The following DLST variants were observed in gnomAD, a reference collection of about 807,000 sequenced individuals.
DLST encodes dihydrolipoyllysine-residue succinyltransferase component of 2-oxoglutarate dehydrogenase complex, mitochondrial.
In DLST, 17 loss-of-function variants were observed where a neutral mutation model predicts 53.1. That is an observed-to-expected ratio of 0.32 (90% CI 0.22 to 0.48). The LOEUF is 0.48. Ranked by LOEUF, DLST falls within the 20% of genes least tolerant of loss-of-function variation. The pLI, the probability that DLST is intolerant of heterozygous loss-of-function variation, is 0.99. For synonymous variants in DLST, 206 were observed against 204.8 expected, an observed-to-expected ratio of 1.01 and a Z score of -0.05; for missense variants, 512 against 583.9, an observed-to-expected ratio of 0.88 and a Z score of 1.27.
intron 11 of DLST, 98 bp from the exon 12 acceptor site, chr14:74,899,825 C>A: frequency 1.1e-6 from 1 of 952,354 alleles, no homozygotes; most frequent in Non-Finnish European, 1.6e-6. Context: ...CACACTGTAT[C>A]AAGCTCTGCA....
At chr14:74,891,452 A>AGG in intron 7 of DLST, 1 of 1,047,654 alleles carries the variant, frequency 9.5e-7, no homozygotes, top group Non-Finnish European at 1.2e-6. Flanking sequence ...CAGATTGAGC[A>AGG]TACCTAATCT....
intron 9 of DLST, 145 bp from the exon 10 acceptor site, chr14:74,894,167 G>C: frequency 2.2e-6 from 2 of 917,636 alleles, no homozygotes; most frequent in East Asian, 5.5e-5. Context: ...GGCCACCACA[G>C]GAAAGGGAAG....
At position 74,902,118 on chromosome 14, in the gene DLST, T is replaced by C. The variant is rs536966076; in HGVS notation, c.1228-78T>C. On this transcript the variant is annotated intron_variant, in intron 14 of 14. Transcript: ENST00000334220. Reference sequence around the variant, plus strand: ...GGCTCTGGAATTAGGAACTTTCTTATGGGCTGTGCTAAATCTCCTTCAGCG... The same window carrying C: ...GGCTCTGGAATTAGGAACTTTCTTACGGGCTGTGCTAAATCTCCTTCAGCG... 1.5e-5 allele frequency: 21 copies of C among 1,402,892 alleles called. No individual in the cohort carries two copies. In the East Asian group the frequency reaches 4.7e-4, roughly 31 times the overall value. 86.9% of individuals were successfully genotyped at this position (1,402,892 alleles called of 1,614,324 possible).
intron 9 of DLST, among the ~76,000 whole-genome samples, chr14:74,893,994 TATG>T (rs1883994750): frequency 6.6e-6 from 1 of 152,220 alleles, no homozygotes; most frequent in Non-Finnish European, 1.5e-5. Context: ...CCCTTTTTCT[TATG>T]ATTCTTATGT....
At chr14:74,889,517 C>A in intron 5 of DLST, 168 bp downstream of exon 5, 2 of 606,450 alleles carry the variant, frequency 3.3e-6, no homozygotes, top group Non-Finnish European at 2.8e-6. Context: ...TACAGGTGCC[C>A]ACCACCATGC....
rs147223735 is a variant in DLST at position 74,892,679 on chromosome 14, T to C, written c.443-155T>C. Among the ~76,000 whole-genome samples, 1,085 of 152,324 alleles carry C rather than the reference T, an allele frequency of 7.1e-3. 23 individuals carry two copies. The highest frequency in any genetic ancestry group is 0.034 in the Admixed American group (527 of 15,306). ...CTGAGGACTAGAGAATAGTGCCTTA[T>C]GTCATTGTGTGTGTGTCTCATAGTG... On this transcript the variant is annotated intron_variant, in intron 7 of 14. Coordinates refer to ENST00000334220, the MANE Select transcript of DLST (RefSeq NM_001933.5).
chr14:74,901,795 C>T (rs1884252806), intron 14 of DLST, among the ~76,000 whole-genome samples: 1 of 152,070 alleles, frequency 6.6e-6, no homozygotes, highest in Non-Finnish European at 1.5e-5. Context: ...GGAAAATGCC[C>T]ATACACCCAG....
intron 10 of DLST, among the ~76,000 whole-genome samples, chr14:74,896,523 G>T (rs1326674997): frequency 6.6e-6 from 1 of 152,226 alleles, no homozygotes; most frequent in Non-Finnish European, 1.5e-5. Flanking sequence ...GGAGAAGGGA[G>T]TGTTTTCTTG....
At chr14:74,882,271 C>T (rs370923508) in intron 1 of DLST, among the ~76,000 whole-genome samples, 1 of 152,226 alleles carries the variant, frequency 6.6e-6, no homozygotes, top group South Asian at 2.1e-4. Flanking sequence ...CGCGCGGGAG[C>T]TGGGGAGCCG....
chr14:74,899,226 G>T (rs1377804310), intron 11 of DLST, among the ~76,000 whole-genome samples: 2 of 151,812 alleles, frequency 1.3e-5, no homozygotes, highest in East Asian at 3.9e-4. Context: ...TCCCTGACTG[G>T]CTCTCATCTT....
chr14:74,900,045 A>G (rs1285264318), intron 12 of DLST, 49 bp downstream of exon 12: 1 of 1,437,518 alleles, frequency 7.0e-7, no homozygotes, highest in Admixed American at 1.7e-5. Context: ...CCCTCACCTT[A>G]TCTGTGTGAA....
At chr14:74,883,479 T>G (rs1484006668) in intron 2 of DLST, among the ~76,000 whole-genome samples, 1 of 151,684 alleles carries the variant, frequency 6.6e-6, no homozygotes, top group African/African-American at 2.4e-5. Flanking sequence ...TGGCAAGAGA[T>G]AGAAGATGGT....
At chr14:74,896,160 G>T (rs1050800312) in intron 10 of DLST, among the ~76,000 whole-genome samples, 1 of 152,210 alleles carries the variant, frequency 6.6e-6, no homozygotes, top group Non-Finnish European at 1.5e-5. Flanking sequence ...GGCCAAAAAA[G>T]AATTTTTAAA....
At position 74,893,422 on chromosome 14, in the gene DLST, C is replaced by G. The variant is rs758776791; in HGVS notation, c.670C>G (p.Arg224Gly). The G allele has an allele frequency of 6.2e-7, 1 of 1,614,190 alleles. No individual in the cohort carries two copies. The highest frequency in any genetic ancestry group is 8.5e-7 in the Non-Finnish European group (1 of 1,180,038). The stretch of plus-strand genomic sequence containing the variant: ...TGGCAAAGGTCTGCGTTCAGAACAT[C>G]GGGTAAGCCTCTGAGGACCACTTTC... ...GAGKGLRSEH[R>G]EKMNRMRQRI... is the part of the protein sequence containing the mutation. Residue 224 changes from arginine (R) to glycine (G), a missense_variant and splice_region_variant, in exon 9 of 15, where the codon CGG (arginine) becomes GGG (glycine). Physicochemically the swap from Arg to Gly is moderately radical, Grantham distance 125. Coordinates refer to ENST00000334220, the MANE Select transcript of DLST (RefSeq NM_001933.5).
intron 3 of DLST, among the ~76,000 whole-genome samples, chr14:74,886,610 G>A (rs1380202245): frequency 6.6e-6 from 1 of 152,168 alleles, no homozygotes; most frequent in Non-Finnish European, 1.5e-5. Flanking sequence ...GAGGATACAG[G>A]CGTGAGCTAT....
Position 74,881,932 on chromosome 14 carries a change from C to CG in DLST, c.-21dup, listed in dbSNP as rs1349423220. ...TCCGGCCCTATATCCGGTGTCCGCC[C>CG]GCCCTCGGCTCCTCCGCCGTGATGC... On this transcript the variant is annotated 5_prime_UTR_variant, in exon 1 of 15. Transcript: ENST00000334220. 4 of 1,528,026 alleles carry CG rather than the reference C, an allele frequency of 2.6e-6. No homozygotes were observed. In the East Asian group the frequency reaches 7.8e-5, roughly 30 times the overall value. The allele number at this position is 1,528,026 out of a possible 1,614,324, so 94.7% of individuals were successfully genotyped here.
Position 74,881,923 on chromosome 14 carries a change from G to T in DLST, c.-31G>T. Reference sequence around the variant, plus strand: ...CGGTTGTTGTCCGGCCCTATATCCGGTGTCCGCCCGCCCTCGGCTCCTCCG... The same window carrying T: ...CGGTTGTTGTCCGGCCCTATATCCGTTGTCCGCCCGCCCTCGGCTCCTCCG... On this transcript the variant is annotated 5_prime_UTR_variant, in exon 1 of 15. Coordinates refer to ENST00000334220, the MANE Select transcript of DLST (RefSeq NM_001933.5). 6.6e-7 allele frequency: 1 copy of T among 1,518,356 alleles called. No individual in the cohort carries two copies. Among genetic ancestry groups the T allele is most frequent in the Non-Finnish European group, 8.8e-7 (1 of 1,138,524 alleles). 94.1% of individuals were successfully genotyped at this position (1,518,356 alleles called of 1,614,324 possible).
At chr14:74,902,044 C>A (rs1468238865) in intron 14 of DLST, 152 bp from the exon 15 acceptor site, 7 of 829,826 alleles carry the variant, frequency 8.4e-6, no homozygotes, top group Non-Finnish European at 1.2e-5. Context: ...GAGGGTAAGT[C>A]CTGGTCTTTG....
In DLST at chr14:74,886,550, A is replaced by C. The variant is rs376307474; in HGVS notation, c.146+916A>C. ...TTGCCATGATACCTGGGCTGGTGTCAAACTCCTGGGCTCAAGCAATCCATC... is the reference window on the plus strand; with the variant it reads ...TTGCCATGATACCTGGGCTGGTGTCCAACTCCTGGGCTCAAGCAATCCATC... On this transcript the variant is annotated intron_variant, in intron 3 of 14. Transcript: ENST00000334220. 2.0e-5 allele frequency among the ~76,000 whole-genome samples: 3 copies of C among 152,234 alleles called. No homozygotes were observed. In the South Asian group the frequency reaches 6.2e-4, roughly 32 times the overall value.
Sources: allele counts gnomAD v4.1 joint callset (sites outside exome capture counted in the v4.1 genomes callset), GRCh38; gene constraint gnomAD v4.1.1; transcripts MANE v1.5; gene names NCBI Gene and HGNC (gene_info 2026-07-23, HGNC 2026-07-21).